The following APOLD1 variants were observed in gnomAD, a reference collection of about 807,000 sequenced individuals.
APOLD1 encodes the protein apolipoprotein L domain-containing protein 1.
APOLD1 carries 22 observed loss-of-function variants against 15.3 expected under a neutral mutation model. The observed-to-expected ratio is 1.44, with a 90% CI of 1.03 to 2.05. APOLD1 has a LOEUF of 2.05. APOLD1 is among the 30% of genes most tolerant of loss of function. The probability of loss-of-function intolerance (pLI) is 0.00; values close to 1 mark genes in which losing one functional copy is unlikely to be tolerated. For missense variants in APOLD1, 394 were observed against 353.5 expected, an observed-to-expected ratio of 1.11 and a Z score of -0.92; for synonymous variants, 190 against 167.4, an observed-to-expected ratio of 1.13 and a Z score of -1.04.
chr12:12,733,645 G>T (rs544501654), intron 1 of APOLD1, among the ~76,000 whole-genome samples: 1 of 151,952 alleles, frequency 6.6e-6, no homozygotes, highest in African/African-American at 2.4e-5. Context: ...CTCTGTTGCC[G>T]AGGCTAGAGT....
chr12:12,738,032 T>G (rs1946702987), intron 1 of APOLD1, among the ~76,000 whole-genome samples: 1 of 152,168 alleles, frequency 6.6e-6, no homozygotes, highest in Non-Finnish European at 1.5e-5. Context: ...TAAGAATGTC[T>G]TTCTATGAGA....
At chr12:12,735,738 C>T (rs752510853) in intron 1 of APOLD1, among the ~76,000 whole-genome samples, 14 of 151,416 alleles carry the variant, frequency 9.2e-5, no homozygotes, top group Non-Finnish European at 1.9e-4. Context: ...GGTTAGGCAT[C>T]GAAGACCTGC....
chr12:12,728,994 A>G (rs1946616400), intron 1 of APOLD1, among the ~76,000 whole-genome samples: 1 of 152,206 alleles, frequency 6.6e-6, no homozygotes, highest in Non-Finnish European at 1.5e-5. Context: ...TTCTGATAAT[A>G]GGTTCTGATC....
intron 1 of APOLD1, among the ~76,000 whole-genome samples, chr12:12,757,103 C>G (rs1286769717): frequency 6.6e-6 from 1 of 152,118 alleles, no homozygotes; most frequent in Non-Finnish European, 1.5e-5. Flanking sequence ...TGCTTTTTAA[C>G]TGAAGAAAAA....
At chr12:12,728,500 T>C (rs1490243250) in intron 1 of APOLD1, among the ~76,000 whole-genome samples, 1 of 151,052 alleles carries the variant, frequency 6.6e-6, no homozygotes, top group African/African-American at 2.4e-5. Flanking sequence ...ACCCCGTTTC[T>C]ACAAAAAACA....
Position 12,788,665 on chromosome 12 carries a change from T to C in APOLD1, c.*1013T>C, listed in dbSNP as rs1188688161. On this transcript the variant is annotated 3_prime_UTR_variant, in exon 2 of 2. Transcript: ENST00000356591. ...AAATTCTTGGACACAACCCTCCTGA[T>C]TTATGGAATCAGAAACTCTGGCTGT... The C allele has an allele frequency of 6.6e-6, 1 of 152,138 alleles. No individual in the cohort carries two copies. The highest frequency in any genetic ancestry group is 1.5e-5 in the Non-Finnish European group (1 of 68,016). The allele number at this position is 152,138 out of a possible 1,614,324, so 9.4% of individuals were successfully genotyped here. A position where few individuals can be genotyped will look rare whatever the true frequency, so the allele number is the denominator to read the frequency against.
At chr12:12,769,004 G>A (rs1946963413) in intron 1 of APOLD1, among the ~76,000 whole-genome samples, 1 of 151,936 alleles carries the variant, frequency 6.6e-6, no homozygotes, top group Non-Finnish European at 1.5e-5. Flanking sequence ...GAGGCAAAAG[G>A]ATTACTTGAG....
At chr12:12,753,556 C>T (rs1194166341) in intron 1 of APOLD1, among the ~76,000 whole-genome samples, 3 of 151,986 alleles carry the variant, frequency 2.0e-5, no homozygotes, top group Non-Finnish European at 2.9e-5. Context: ...GTAATCCCAG[C>T]TACTCCAGAG....
chr12:12,733,665 C>T lies in APOLD1; in HGVS notation c.96+7569C>T, dbSNP rs529936978. 3.3e-5 allele frequency among the ~76,000 whole-genome samples: 5 copies of T among 152,258 alleles called. No individual in the cohort carries two copies. The South Asian group carries it at 6.2e-4, about 19-fold the overall frequency. ...TTGCCGAGGCTAGAGTGCAGTGGCA[C>T]GATCTCGGCTCACTGCAACCTTCGC... On this transcript the variant is annotated intron_variant, in intron 1 of 1. Transcript: ENST00000326765.
chr12:12,730,328 A>C (rs1455127505), intron 1 of APOLD1, among the ~76,000 whole-genome samples: 1 of 152,108 alleles, frequency 6.6e-6, no homozygotes, highest in African/African-American at 2.4e-5. Flanking sequence ...CTGGAATCCT[A>C]CTGCCTGGGT....
intron 1 of APOLD1, chr12:12,771,201 A>T (rs979348398): frequency 1.9e-5 from 3 of 155,808 alleles, no homozygotes; most frequent in Non-Finnish European, 4.2e-5. Flanking sequence ...TAAAAACTTT[A>T]TTTTTCTTAT....
intron 1 of APOLD1, among the ~76,000 whole-genome samples, chr12:12,733,805 T>G (rs1244016727): frequency 1.3e-5 from 2 of 152,196 alleles, no homozygotes; most frequent in East Asian, 3.9e-4. Flanking sequence ...GGTTTCTCCA[T>G]GTTGGCCAGG....
chr12:12,749,320 G>C (rs528831771), intron 1 of APOLD1, among the ~76,000 whole-genome samples: 2 of 152,198 alleles, frequency 1.3e-5, no homozygotes, highest in South Asian at 4.1e-4. Flanking sequence ...GGAGAATAGG[G>C]TCTGGAAACA....
chr12:12,778,660 T>C (rs1378423308), intron 1 of APOLD1, among the ~76,000 whole-genome samples: 1 of 152,106 alleles, frequency 6.6e-6, no homozygotes, highest in Non-Finnish European at 1.5e-5. Context: ...GGCCACAACT[T>C]GATTGGCCAA....
intron 1 of APOLD1, among the ~76,000 whole-genome samples, chr12:12,772,019 T>C (rs559159648): frequency 1.1e-4 from 16 of 152,004 alleles, no homozygotes; most frequent in Non-Finnish European, 8.8e-5. Flanking sequence ...AAATAATTTA[T>C]ATGAAACGCT....
At chr12:12,767,310 A>G (rs927932495) in intron 1 of APOLD1, among the ~76,000 whole-genome samples, 5 of 152,146 alleles carry the variant, frequency 3.3e-5, no homozygotes, top group African/African-American at 1.2e-4. Flanking sequence ...TAAACCAACC[A>G]CTGATTGGAG....
intron 1 of APOLD1, among the ~76,000 whole-genome samples, chr12:12,776,676 C>T (rs1030520298): frequency 6.6e-6 from 1 of 152,174 alleles, no homozygotes; most frequent in Admixed American, 6.5e-5. Context: ...AAAGAGTTCC[C>T]AGCATCAGAT....
At chr12:12,769,271 A>C (rs913194052) in intron 1 of APOLD1, among the ~76,000 whole-genome samples, 2 of 151,664 alleles carry the variant, frequency 1.3e-5, no homozygotes, top group Non-Finnish European at 2.9e-5. Flanking sequence ...CCATCTTAGC[A>C]AGTAAAAAGC....
rs1056652528 is a variant in APOLD1, at chr12:12,785,801, A to C, written c.3+107A>C. On this transcript the variant is annotated intron_variant, in intron 1 of 1. Transcript: ENST00000356591. ...GTTGGATTATGGAAGCATGGAAGTA[A>C]AATTAAGTCCTGTGAATAAGGAGAT... 4 of 1,114,404 alleles carry C rather than the reference A, an allele frequency of 3.6e-6. No homozygotes were observed. The Admixed American group carries it at 5.1e-5, about 14-fold the overall frequency. 69.0% of individuals were successfully genotyped at this position (1,114,404 alleles called of 1,614,324 possible). A position where few individuals can be genotyped will look rare whatever the true frequency, so the allele number is the denominator to read the frequency against.
Sources: allele counts gnomAD v4.1 joint callset (sites outside exome capture counted in the v4.1 genomes callset), GRCh38; gene constraint gnomAD v4.1.1; transcripts MANE v1.5; gene names NCBI Gene and HGNC (gene_info 2026-07-23, HGNC 2026-07-21).